Variants in DMD observed in about 807,000 individuals in gnomAD.
The protein encoded by DMD is dystrophin, also known as mutant dystrophin.
DMD carries 63 observed loss-of-function variants against 330.1 expected under a neutral mutation model. The observed-to-expected ratio is 0.19, with a 90% CI of 0.16 to 0.24. The LOEUF is 0.24. Ranked by LOEUF, DMD falls within the 10% of genes least tolerant of loss-of-function variation. The pLI is 1.00. For missense variants in DMD, 3,344 were observed against 2,684.1 expected, an observed-to-expected ratio of 1.25 and a Z score of -5.43; for synonymous variants, 1,223 against 959.8, an observed-to-expected ratio of 1.27 and a Z score of -5.07.
At chrX:31,255,769 CTTTTTTTTTTTT>C (rs146884145) in intron 63 of DMD, among the ~76,000 whole-genome samples, 13 of 50,818 alleles carry the variant, frequency 2.6e-4, no homozygotes, top group South Asian at 1.1e-3. Flanking sequence ...AATATCGTTA[CTTTTTTTTTTTT>C]TTTTTTTTTT....
In DMD at chrX:33,188,384, C is replaced by T. The variant is rs780926832; in HGVS notation, c.31+22898G>A. On this transcript the variant is annotated intron_variant, in intron 1 of 78. Coordinates refer to ENST00000357033, the MANE Select transcript of DMD (RefSeq NM_004006.3). ...CTCTTTTCGGACACCTTTTATTTACCCGTCTACAGTTCTTTTGCCCTCTGG... is the reference window on the plus strand; with the variant it reads ...CTCTTTTCGGACACCTTTTATTTACTCGTCTACAGTTCTTTTGCCCTCTGG... Among the ~76,000 whole-genome samples the T allele has an allele frequency of 6.3e-5, 7 of 110,620 alleles. No individual in the cohort carries two copies. In the South Asian group the frequency reaches 2.7e-3, roughly 43 times the overall value.
intron 47 of DMD, among the ~76,000 whole-genome samples, chrX:31,924,739 A>G (rs1160668205): frequency 8.9e-6 from 1 of 112,078 alleles, no homozygotes; most frequent in African/African-American, 3.2e-5. Flanking sequence ...TTCACTTTCC[A>G]GCCAAATTTC....
At chrX:32,203,118 C>T (rs981296110) in intron 44 of DMD, among the ~76,000 whole-genome samples, 5 of 112,300 alleles carry the variant, frequency 4.5e-5, no homozygotes, top group Admixed American at 3.8e-4. Context: ...GCTTTTGCCA[C>T]TTAATATTGG....
chrX:32,806,561 C>T (rs149164496), intron 7 of DMD, among the ~76,000 whole-genome samples: 3,309 of 111,203 alleles, frequency 0.03, 110 homozygotes, highest in African/African-American at 0.098. Context: ...CAAGGATGTT[C>T]AGTACTTGAA....
chrX:31,542,967 GT>G (rs1463395413), intron 55 of DMD, among the ~76,000 whole-genome samples: 1 of 111,489 alleles, frequency 9.0e-6, no homozygotes, highest in Non-Finnish European at 1.9e-5. Context: ...CCCCTCTGCT[GT>G]TACATGTGGC....
chrX:32,984,307 C>T (rs5971677), intron 2 of DMD, among the ~76,000 whole-genome samples: 10,201 of 111,977 alleles, frequency 0.091, 407 homozygotes, highest in African/African-American at 0.16. Context: ...CAGGCTGGAG[C>T]GCAATGGCGC....
At chrX:32,695,623 A>C (rs1408190012) in intron 9 of DMD, among the ~76,000 whole-genome samples, 1 of 111,504 alleles carries the variant, frequency 9.0e-6, no homozygotes, top group Non-Finnish European at 1.9e-5. Context: ...AGTGGATATC[A>C]AGGTATAGAT....
intron 12 of DMD, among the ~76,000 whole-genome samples, chrX:32,600,388 G>A (rs1299577523): frequency 9.0e-6 from 1 of 111,315 alleles, no homozygotes; most frequent in East Asian, 2.8e-4. Context: ...ACAAGGATGG[G>A]TATCCTGTAA....
At chrX:32,252,725 A>AATAT (rs1210221382) in intron 43 of DMD, among the ~76,000 whole-genome samples, 2 of 36,419 alleles carry the variant, frequency 5.5e-5, no homozygotes, top group Non-Finnish European at 8.2e-5. Flanking sequence ...AATATATATA[A>AATAT]ATATATAAAT....
rs180857414 is a variant in DMD, at chrX:32,137,191, T to A, written c.6438+79725A>T. On this transcript the variant is annotated intron_variant, in intron 44 of 78. Coordinates refer to ENST00000357033, the MANE Select transcript of DMD (RefSeq NM_004006.3). ...TTGAAGAACCAGATATTGGAATTGC[T>A]GCTCTCATTAATTCCTCCCACCTGA... Among the ~76,000 whole-genome samples the A allele has an allele frequency of 4.9e-4, 55 of 111,687 alleles. No individual in the cohort carries two copies. The Admixed American group carries it at 5.1e-3, about 10-fold the overall frequency.
intron 29 of DMD, 99 bp from the exon 30 acceptor site, chrX:32,412,012 C>T: frequency 8.4e-7 from 1 of 1,192,592 alleles, no homozygotes; most frequent in Non-Finnish European, 1.1e-6. Context: ...GACTCTTCCA[C>T]AATCACCTTT....
intron 60 of DMD, among the ~76,000 whole-genome samples, chrX:31,397,627 G>A (rs1480219019): frequency 1.8e-5 from 2 of 112,398 alleles, no homozygotes; most frequent in African/African-American, 6.5e-5. Flanking sequence ...AAATGCAAAT[G>A]TGTTTCTGTC....
intron 1 of DMD, among the ~76,000 whole-genome samples, chrX:33,143,190 A>G (rs1169602395): frequency 9.0e-6 from 1 of 111,396 alleles, no homozygotes; most frequent in Non-Finnish European, 1.9e-5. Context: ...TATATTAACT[A>G]GAACATAATA....
At chrX:33,120,155 C>G (rs147027686) in intron 1 of DMD, among the ~76,000 whole-genome samples, 3,321 of 112,057 alleles carry the variant, frequency 0.03, 130 homozygotes, top group African/African-American at 0.1. Context: ...CAGACAGACA[C>G]TGAGGCAAGG....
intron 1 of DMD, among the ~76,000 whole-genome samples, chrX:33,223,036 G>T (rs760682979): frequency 8.9e-6 from 1 of 112,062 alleles, no homozygotes; most frequent in Admixed American, 9.5e-5. Flanking sequence ...AGGGCTGGGC[G>T]TGGTGGCTCA....
chrX:32,053,927 TA>T (rs2147559556), intron 44 of DMD, among the ~76,000 whole-genome samples: 1 of 110,767 alleles, frequency 9.0e-6, no homozygotes, highest in African/African-American at 3.3e-5. Context: ...TTCTCTTTTT[TA>T]AAAAAAGACT....
chrX:31,344,382 T>A (rs1010233273), intron 61 of DMD, among the ~76,000 whole-genome samples: 7 of 111,811 alleles, frequency 6.3e-5, no homozygotes, highest in African/African-American at 2.3e-4. Context: ...ATTGAGCAAT[T>A]TAGAATTGTG....
intron 44 of DMD, among the ~76,000 whole-genome samples, chrX:32,191,425 A>T (rs1456968746): frequency 8.9e-6 from 1 of 112,078 alleles, no homozygotes; most frequent in East Asian, 2.8e-4. Context: ...CTCTTGTAAG[A>T]TTTGACTGTT....
At chrX:33,022,748 CT>C (rs2093937204) in intron 1 of DMD, among the ~76,000 whole-genome samples, 1 of 111,309 alleles carries the variant, frequency 9.0e-6, no homozygotes, top group Admixed American at 9.6e-5. Flanking sequence ...AAGTCCATGG[CT>C]TTTCACATTG....
Sources: gnomAD v4.1 joint callset for allele counts (sites outside exome capture counted in the v4.1 genomes callset) on GRCh38, gnomAD v4.1.1 for gene constraint, MANE v1.5 for transcripts, NCBI Gene and HGNC (gene_info 2026-07-23, HGNC 2026-07-21) for gene names.